The following TRIM61 variants were observed in gnomAD, a reference collection of about 807,000 sequenced individuals.
TRIM61 encodes the protein putative tripartite motif-containing protein 61.
Under a neutral mutation model 14.2 loss-of-function variants are expected in TRIM61, and 1 was observed. The observed-to-expected ratio is 0.07, with a 90% CI of 0.03 to 0.33. The LOEUF (loss-of-function observed/expected upper bound fraction) is 0.33, where lower values mean the gene tolerates loss of function less well. TRIM61 is among the 10% of genes least tolerant of loss of function. The pLI, the probability that TRIM61 is intolerant of heterozygous loss-of-function variation, is 0.99. For synonymous variants in TRIM61, 8 were observed against 71.6 expected (o/e 0.11, Z 4.49); for missense variants, 19 against 202.2 (o/e 0.09, Z 5.49).
chr4:164,954,973 C>A lies in TRIM61; in HGVS notation c.*16+3G>T. On this transcript the variant is annotated splice_donor_region_variant and intron_variant, in intron 4 of 4. Coordinates refer to ENST00000329314, the MANE Select transcript of TRIM61 (RefSeq NM_001012414.3). ...GAAGTTAGCTGGGCATGGTGGAGGG[C>A]ACCTGTAGTCCCAGCTACTCAGGAG... 1 of 317,186 alleles carries A rather than the reference C, an allele frequency of 3.2e-6. No individual in the cohort carries two copies. Among genetic ancestry groups the A allele is most frequent in the Non-Finnish European group, 6.4e-6 (1 of 156,474 alleles). The allele number at this position is 317,186 out of a possible 1,614,324, so 19.6% of individuals were successfully genotyped here. A position where few individuals can be genotyped will look rare whatever the true frequency, so the allele number is the denominator to read the frequency against.
At chr4:164,957,046 G>C (rs1032689390) in intron 3 of TRIM61, 1 of 1,507,114 alleles carries the variant, frequency 6.6e-7, no homozygotes, top group Non-Finnish European at 8.9e-7. Context: ...CGGTGCGGCG[G>C]GGCAGCTGTC....
intron 3 of TRIM61, among the ~76,000 whole-genome samples, chr4:164,960,507 A>C (rs1732108877): frequency 6.6e-6 from 1 of 151,686 alleles, no homozygotes; most frequent in East Asian, 1.9e-4. Context: ...GTGAGCCGAG[A>C]TGGCACCACT....
intron 2 of TRIM61, among the ~76,000 whole-genome samples, chr4:164,972,284 C>A (rs1471015374): frequency 6.6e-6 from 1 of 152,122 alleles, no homozygotes; most frequent in African/African-American, 2.4e-5. Context: ...GGAAGTATAA[C>A]AACCTCTTTT....
Position 164,976,410 on chromosome 4 carries a change from G to A in TRIM61, c.-338+278C>T, listed in dbSNP as rs551178801. On this transcript the variant is annotated intron_variant, in intron 2 of 4. Coordinates refer to ENST00000329314, the MANE Select transcript of TRIM61 (RefSeq NM_001012414.3). ...AAGGACACAAGAGGACTCACTCCAG[G>A]TATCATTGTGCCCTCCTTTCCCCAA... Among the ~76,000 whole-genome samples the A allele has an allele frequency of 3.9e-5, 6 of 152,246 alleles. No individual in the cohort carries two copies. In the East Asian group the frequency reaches 1.2e-3, roughly 29 times the overall value.
At chr4:164,957,263 C>A (rs961842462) in intron 3 of TRIM61, 1 of 1,614,058 alleles carries the variant, frequency 6.2e-7, no homozygotes, top group African/African-American at 1.3e-5. Context: ...CTGGGAGAAG[C>A]GAATCGTTTT....
At chr4:164,955,520 G>A (rs1482232255) in intron 3 of TRIM61, among the ~76,000 whole-genome samples, 7 of 129,392 alleles carry the variant, frequency 5.4e-5, no homozygotes, top group Non-Finnish European at 7.7e-5. Flanking sequence ...AGTGAGCTAC[G>A]AACTTGCCAC....
At chr4:164,959,554 C>A (rs189595330) in intron 3 of TRIM61, among the ~76,000 whole-genome samples, 1 of 152,112 alleles carries the variant, frequency 6.6e-6, no homozygotes, top group Non-Finnish European at 1.5e-5. Context: ...GGGTGAAGAA[C>A]ATTTGTGAAG....
chr4:164,958,528 T>A (rs1311491115), intron 3 of TRIM61: 2 of 167,034 alleles, frequency 1.2e-5, no homozygotes, highest in Admixed American at 6.5e-5. Flanking sequence ...GCTCTTCAAT[T>A]CTGAATTGTC....
chr4:164,973,487 A>G (rs768989676), intron 2 of TRIM61, among the ~76,000 whole-genome samples: 10 of 152,202 alleles, frequency 6.6e-5, no homozygotes, highest in Non-Finnish European at 1.3e-4. Flanking sequence ...AAATGGGCTT[A>G]CTGATCCAAC....
intron 3 of TRIM61, among the ~76,000 whole-genome samples, chr4:164,964,087 T>A (rs918057656): frequency 1.3e-5 from 2 of 151,804 alleles, no homozygotes; most frequent in African/African-American, 4.8e-5. Flanking sequence ...CGGTGGCTCA[T>A]GCCTGTAATC....
intron 3 of TRIM61, among the ~76,000 whole-genome samples, chr4:164,961,444 G>T (rs1173681853): frequency 6.6e-6 from 1 of 151,538 alleles, no homozygotes; most frequent in African/African-American, 2.4e-5. Flanking sequence ...AAAGTGAAAA[G>T]AATAAAAAAG....
intron 2 of TRIM61, among the ~76,000 whole-genome samples, chr4:164,971,335 T>A (rs888101490): frequency 4.6e-5 from 7 of 152,082 alleles, no homozygotes; most frequent in African/African-American, 1.7e-4. Context: ...CTCACGCCTG[T>A]AATCCCAGCA....
intron 3 of TRIM61, among the ~76,000 whole-genome samples, chr4:164,961,000 C>G (rs59832027): frequency 6.6e-6 from 1 of 150,834 alleles, no homozygotes; most frequent in Non-Finnish European, 1.5e-5. Flanking sequence ...ATATATTTTC[C>G]TACACATGTC....
rs150146822 is a variant in TRIM61 at position 164,970,437 on chromosome 4, G to T, written c.-337-98C>A. The T allele has an allele frequency of 2.5e-3, 438 of 175,654 alleles. 2 individuals are homozygous for T. The highest frequency in any genetic ancestry group is 7.9e-3 in the African/African-American group (330 of 41,516). The allele number at this position is 175,654 out of a possible 1,614,324, so 10.9% of individuals were successfully genotyped here. A position where few individuals can be genotyped will look rare whatever the true frequency, so the allele number is the denominator to read the frequency against. ...CAATGAATGCTAAAATCATGGGGTG[G>T]AAGTTCTTGGAAAAACAAGATTCTC... On this transcript the variant is annotated intron_variant, in intron 2 of 4. Transcript: ENST00000329314.
intron 2 of TRIM61, among the ~76,000 whole-genome samples, chr4:164,971,633 G>A (rs1407944423): frequency 6.6e-6 from 1 of 151,232 alleles, no homozygotes; most frequent in East Asian, 1.9e-4. Flanking sequence ...CATGAATGTA[G>A]CAAAAGTTAA....
At chr4:164,957,226 C>T in intron 3 of TRIM61, 3 of 1,613,708 alleles carry the variant, frequency 1.9e-6, no homozygotes, top group Middle Eastern at 1.6e-4. Flanking sequence ...CGACCACATT[C>T]GTCCAACAGC....
At chr4:164,962,696 A>G (rs1732163227) in intron 3 of TRIM61, among the ~76,000 whole-genome samples, 1 of 151,928 alleles carries the variant, frequency 6.6e-6, no homozygotes, top group Non-Finnish European at 1.5e-5. Context: ...AAATGTTAAA[A>G]AAAAAAAAAA....
At chr4:164,965,737 T>G (rs1732225323) in intron 3 of TRIM61, among the ~76,000 whole-genome samples, 1 of 152,192 alleles carries the variant, frequency 6.6e-6, no homozygotes, top group South Asian at 2.1e-4. Flanking sequence ...CCGGCCTTAA[T>G]GTATTTCATT....
chr4:164,961,920 T>C (rs931200005), intron 3 of TRIM61, among the ~76,000 whole-genome samples: 2 of 152,204 alleles, frequency 1.3e-5, no homozygotes, highest in African/African-American at 4.8e-5. Context: ...TAGATTGCAG[T>C]TGTGTAGCTT....
Sources: gnomAD v4.1 joint callset for allele counts (sites outside exome capture counted in the v4.1 genomes callset) on GRCh38, gnomAD v4.1.1 for gene constraint, MANE v1.5 for transcripts, NCBI Gene and HGNC (gene_info 2026-07-23, HGNC 2026-07-21) for gene names.